Variants in SYN3 observed in about 807,000 individuals in gnomAD.
The protein encoded by SYN3 is synapsin-3.
A neutral mutation model predicts 65.8 loss-of-function variants in SYN3; 35 were observed. The ratio of observed to expected loss-of-function variants is 0.53; its 90% CI spans 0.41 to 0.70. SYN3 has a LOEUF of 0.70. SYN3 is among the 30% of genes least tolerant of loss of function. The probability of loss-of-function intolerance (pLI) is 0.00; values close to 1 mark genes in which losing one functional copy is unlikely to be tolerated. For missense variants in SYN3, 680 were observed against 749.0 expected (o/e 0.91, Z 1.08); for synonymous variants, 270 against 292.9 (o/e 0.92, Z 0.80).
At chr22:32,703,258 C>T (rs1362980773) in intron 6 of SYN3, among the ~76,000 whole-genome samples, 1 of 152,166 alleles carries the variant, frequency 6.6e-6, no homozygotes, top group Non-Finnish European at 1.5e-5. Context: ...GTTAAATGGT[C>T]TAACAGTGAC....
intron 6 of SYN3, chr22:32,833,843 C>T (rs1325241480): frequency 4.0e-6 from 2 of 501,790 alleles, no homozygotes; most frequent in African/African-American, 2.0e-5. Flanking sequence ...AAGCATTTAG[C>T]ACTGATCATG....
At chr22:32,855,328 G>GGGCACACACTGTGCCTCTGAAGGA (rs1202937844) in intron 6 of SYN3, among the ~76,000 whole-genome samples, 4 of 152,184 alleles carry the variant, frequency 2.6e-5, no homozygotes, top group Non-Finnish European at 5.9e-5. Flanking sequence ...CAGTGACTCT[G>GGGCACACACTGTGCCTCTGAAGGA]GGCACACACT....
chr22:32,663,978 T>C (rs1410319272), intron 6 of SYN3, among the ~76,000 whole-genome samples: 2 of 152,160 alleles, frequency 1.3e-5, no homozygotes, highest in African/African-American at 2.4e-5. Flanking sequence ...GCAAATTATG[T>C]AGCCATCCCT....
At chr22:32,835,543 T>C (rs917594941) in intron 6 of SYN3, among the ~76,000 whole-genome samples, 3 of 152,058 alleles carry the variant, frequency 2.0e-5, no homozygotes, top group African/African-American at 4.8e-5. Flanking sequence ...TGAGTGGCAG[T>C]TGATGGGTAA....
intron 7 of SYN3, among the ~76,000 whole-genome samples, chr22:32,578,299 T>C (rs559229002): frequency 6.6e-6 from 1 of 152,060 alleles, no homozygotes; most frequent in East Asian, 1.9e-4. Flanking sequence ...TAGGCTGGAG[T>C]GCAGTGGCAT....
Position 32,643,549 on chromosome 22 carries a change from TGG to T in SYN3, c.712-46815_712-46814del, listed in dbSNP as rs34967500. 4.4e-3 allele frequency among the ~76,000 whole-genome samples: 20 copies of T among 4,522 alleles called. 3 individuals carry two copies. The highest frequency in any genetic ancestry group is 7.0e-3 in the East Asian group (2 of 286). 3.0% of individuals were successfully genotyped at this position (4,522 alleles called of 152,430 possible). On this transcript the variant is annotated intron_variant, in intron 6 of 13. Transcript: ENST00000358763. Reference sequence around the variant, plus strand: ...TAATGAGAGGGCAAATTAGAAATGGTGGGGGGGCGGGGGGGGCAGAACAGACC... The same window carrying T: ...TAATGAGAGGGCAAATTAGAAATGGTGGGGGCGGGGGGGGCAGAACAGACC...
chr22:32,602,781 A>G (rs78082287), intron 6 of SYN3, among the ~76,000 whole-genome samples: 10,902 of 152,130 alleles, frequency 0.072, 1,312 homozygotes, highest in African/African-American at 0.25. Context: ...TTTTAATAAT[A>G]GCTGCACCGT....
chr22:32,532,306 C>T (rs1274437798), intron 10 of SYN3, among the ~76,000 whole-genome samples: 3 of 152,288 alleles, frequency 2.0e-5, no homozygotes, highest in African/African-American at 4.8e-5. Context: ...CAGGAGCTGC[C>T]GTGCTGGGGG....
intron 4 of SYN3, among the ~76,000 whole-genome samples, chr22:32,886,227 G>A (rs910202765): frequency 1.3e-5 from 2 of 152,158 alleles, no homozygotes; most frequent in Admixed American, 6.5e-5. Context: ...CTTTAATGAG[G>A]TCTGGCAACC....
intron 11 of SYN3, 38 bp from the exon 12 acceptor site, chr22:32,528,043 A>G: frequency 6.9e-7 from 1 of 1,450,726 alleles, no homozygotes; most frequent in South Asian, 1.4e-5. Context: ...TGGTATCACC[A>G]CAGCCCTTTA....
chr22:33,040,040 T>G (rs756458727), intron 1 of SYN3, among the ~76,000 whole-genome samples: 11 of 151,982 alleles, frequency 7.2e-5, no homozygotes, highest in Non-Finnish European at 1.2e-4. Context: ...TTTTCTTTTT[T>G]TTTTTGAGAT....
intron 7 of SYN3, among the ~76,000 whole-genome samples, chr22:32,569,432 TA>T (rs1340380140): frequency 1.2e-4 from 18 of 150,412 alleles, no homozygotes; most frequent in African/African-American, 4.0e-4. Context: ...TCTATCTATC[TA>T]TCTATCTATC....
At chr22:32,673,052 T>A (rs1664788523) in intron 6 of SYN3, among the ~76,000 whole-genome samples, 1 of 152,196 alleles carries the variant, frequency 6.6e-6, no homozygotes, top group Non-Finnish European at 1.5e-5. Flanking sequence ...CAGGGCAGAA[T>A]CTGATGTGGA....
At chr22:32,859,123 C>T in intron 6 of SYN3, 1 of 1,590,726 alleles carries the variant, frequency 6.3e-7, no homozygotes, top group South Asian at 1.1e-5. Context: ...TCGGTAGCCT[C>T]AGGCCTGGGC....
At chr22:32,805,646 C>A (rs555531113) in intron 6 of SYN3, among the ~76,000 whole-genome samples, 1 of 149,852 alleles carries the variant, frequency 6.7e-6, no homozygotes, top group Non-Finnish European at 1.5e-5. Context: ...CCCACAGCAA[C>A]CTTAAGAGTA....
chr22:32,532,831 C>T (rs2058099714), intron 10 of SYN3, among the ~76,000 whole-genome samples: 2 of 152,214 alleles, frequency 1.3e-5, no homozygotes, highest in South Asian at 2.1e-4. Context: ...CCTCACGTGT[C>T]CTGGCCTTGT....
intron 4 of SYN3, among the ~76,000 whole-genome samples, chr22:32,876,033 C>T (rs937369554): frequency 6.6e-6 from 1 of 152,168 alleles, no homozygotes; most frequent in Admixed American, 6.5e-5. Context: ...AAAACAACAA[C>T]CCTGACTTAG....
intron 6 of SYN3, among the ~76,000 whole-genome samples, chr22:32,598,035 G>A (rs2059227539): frequency 6.6e-6 from 1 of 152,164 alleles, no homozygotes; most frequent in South Asian, 2.1e-4. Context: ...ATTGCGTGAG[G>A]GCAAAGGTTA....
At chr22:32,740,630 G>A (rs1397287729) in intron 6 of SYN3, among the ~76,000 whole-genome samples, 14 of 152,210 alleles carry the variant, frequency 9.2e-5, no homozygotes, top group Non-Finnish European at 2.1e-4. Flanking sequence ...TGTCTTAGGA[G>A]TTTGGACATA....
Sources: gnomAD v4.1 joint callset for allele counts (sites outside exome capture counted in the v4.1 genomes callset) on GRCh38, gnomAD v4.1.1 for gene constraint, MANE v1.5 for transcripts, NCBI Gene and HGNC (gene_info 2026-07-23, HGNC 2026-07-21) for gene names.